The following GPM6A variants were observed in gnomAD, a reference collection of about 807,000 sequenced individuals.
GPM6A encodes the protein neuronal membrane glycoprotein M6-a.
GPM6A carries 7 observed loss-of-function variants against 32.1 expected under a neutral mutation model. That is an observed-to-expected ratio of 0.22 (90% CI 0.12 to 0.41). The LOEUF is 0.41. Among genes scored for constraint, GPM6A ranks in the 10% least tolerant of loss-of-function variants. The pLI is 1.00. For synonymous variants in GPM6A, 130 were observed against 123.4 expected (o/e 1.05, Z -0.35); for missense variants, 235 against 347.2 (o/e 0.68, Z 2.57).
chr4:175,751,543 T>A (rs1732337063), intron 1 of GPM6A, among the ~76,000 whole-genome samples: 1 of 152,164 alleles, frequency 6.6e-6, no homozygotes, highest in South Asian at 2.1e-4. Flanking sequence ...AATGATGCTA[T>A]CTATAATAAG....
chr4:175,751,550 TAAG>T (rs1560913204), intron 1 of GPM6A, among the ~76,000 whole-genome samples: 1 of 152,182 alleles, frequency 6.6e-6, no homozygotes, highest in Non-Finnish European at 1.5e-5. Flanking sequence ...CTATCTATAA[TAAG>T]AACACCTGTA....
intron 4 of GPM6A, among the ~76,000 whole-genome samples, chr4:175,642,413 T>C (rs575224874): frequency 1.3e-5 from 2 of 152,314 alleles, no homozygotes; most frequent in African/African-American, 4.8e-5. Context: ...AACCTCACTG[T>C]AATTCCTTTC....
intron 1 of GPM6A, among the ~76,000 whole-genome samples, chr4:175,799,027 T>C (rs1159554979): frequency 3.9e-5 from 6 of 152,240 alleles, no homozygotes; most frequent in Non-Finnish European, 5.9e-5. Flanking sequence ...AGTGGCTTGA[T>C]ACGTAGTGCT....
At chr4:175,808,246 A>G (rs1027787900) in intron 1 of GPM6A, among the ~76,000 whole-genome samples, 1 of 152,156 alleles carries the variant, frequency 6.6e-6, no homozygotes, top group Non-Finnish European at 1.5e-5. Flanking sequence ...TGTATATTAA[A>G]TATACTTTAT....
chr4:175,942,158 G>C (rs988980732), intron 1 of GPM6A, among the ~76,000 whole-genome samples: 8 of 151,686 alleles, frequency 5.3e-5, no homozygotes, highest in African/African-American at 2.0e-4. Context: ...AAATATGTTT[G>C]TTGGCCACAT....
At chr4:175,869,220 T>A (rs1736829580) in intron 1 of GPM6A, among the ~76,000 whole-genome samples, 1 of 152,216 alleles carries the variant, frequency 6.6e-6, no homozygotes, top group Non-Finnish European at 1.5e-5. Flanking sequence ...TCTTACCTTT[T>A]ATCTATGCAT....
At chr4:175,762,408 C>A (rs1732784679) in intron 1 of GPM6A, among the ~76,000 whole-genome samples, 1 of 152,136 alleles carries the variant, frequency 6.6e-6, no homozygotes, top group Non-Finnish European at 1.5e-5. Flanking sequence ...AACATTTAGA[C>A]TAGCACTAAC....
At position 175,700,214 on chromosome 4, in the gene GPM6A, T is replaced by TA. The variant is rs111252568; in HGVS notation, c.230+1360dup. Among the ~76,000 whole-genome samples, 250 of 151,436 alleles carry TA rather than the reference T, an allele frequency of 1.7e-3. 1 individual carries two copies. The highest frequency in any genetic ancestry group is 3.4e-3 in the Middle Eastern group (1 of 294). ...AGGGGAAATTAGTAACTTTAATAAA[T>TA]AAAAAAAAATTATGATATTTATAAA... On this transcript the variant is annotated intron_variant, in intron 2 of 6. Coordinates refer to ENST00000393658, the MANE Select transcript of GPM6A (RefSeq NM_201591.3).
intron 1 of GPM6A, among the ~76,000 whole-genome samples, chr4:175,779,490 A>G (rs1733530334): frequency 6.6e-6 from 1 of 152,116 alleles, no homozygotes; most frequent in African/African-American, 2.4e-5. Context: ...CAGTTCAGTA[A>G]GCGGGTTTCG....
intron 1 of GPM6A, among the ~76,000 whole-genome samples, chr4:175,926,437 C>T (rs1017523916): frequency 2.6e-5 from 4 of 152,024 alleles, no homozygotes; most frequent in African/African-American, 9.7e-5. Flanking sequence ...AAGAATCTTT[C>T]AATAGGGCTT....
chr4:175,874,498 G>A (rs1365855295), intron 1 of GPM6A, among the ~76,000 whole-genome samples: 1 of 152,138 alleles, frequency 6.6e-6, no homozygotes, highest in Non-Finnish European at 1.5e-5. Flanking sequence ...GTGTGGAGGG[G>A]AGGGAGGAGT....
At chr4:175,831,489 C>A (rs1013696046) in intron 1 of GPM6A, among the ~76,000 whole-genome samples, 2 of 152,110 alleles carry the variant, frequency 1.3e-5, no homozygotes, top group African/African-American at 4.8e-5. Flanking sequence ...AATTTCCTAG[C>A]ATGAAATTTA....
chr4:175,867,854 T>C (rs899908733), intron 1 of GPM6A, among the ~76,000 whole-genome samples: 6 of 152,190 alleles, frequency 3.9e-5, no homozygotes, highest in Non-Finnish European at 7.3e-5. Flanking sequence ...TAGGTTCTGA[T>C]CATATCCCAG....
intron 1 of GPM6A, among the ~76,000 whole-genome samples, chr4:175,711,104 G>T (rs1002741069): frequency 1.4e-4 from 22 of 152,028 alleles, no homozygotes; most frequent in African/African-American, 5.3e-4. Flanking sequence ...GTACATACAT[G>T]TGTACATATA....
intron 1 of GPM6A, among the ~76,000 whole-genome samples, chr4:175,769,792 T>C (rs184258721): frequency 7.9e-4 from 121 of 152,326 alleles, no homozygotes; most frequent in African/African-American, 2.8e-3. Flanking sequence ...TCTTAGCTTT[T>C]GTTCCATTGG....
At chr4:175,728,655 T>C (rs1731283050) in intron 1 of GPM6A, among the ~76,000 whole-genome samples, 1 of 152,212 alleles carries the variant, frequency 6.6e-6, no homozygotes, top group Non-Finnish European at 1.5e-5. Flanking sequence ...TTCCCACCTA[T>C]CCCTTGACTC....
At chr4:175,692,104 T>C (rs1744331164) in intron 2 of GPM6A, among the ~76,000 whole-genome samples, 1 of 152,194 alleles carries the variant, frequency 6.6e-6, no homozygotes, top group South Asian at 2.1e-4. Context: ...GACTCTAAGA[T>C]AATACATTTT....
intron 1 of GPM6A, among the ~76,000 whole-genome samples, chr4:175,762,980 A>T (rs1488533922): frequency 1.3e-5 from 2 of 152,150 alleles, no homozygotes; most frequent in Non-Finnish European, 2.9e-5. Flanking sequence ...AAAATGTTCT[A>T]AAATTAGATT....
chr4:175,883,515 A>G (rs1579595094), intron 1 of GPM6A, among the ~76,000 whole-genome samples: 1 of 152,262 alleles, frequency 6.6e-6, no homozygotes, highest in South Asian at 2.1e-4. Flanking sequence ...TGGATGCTAA[A>G]TTTTCATCAG....
Sources: allele counts gnomAD v4.1 joint callset (sites outside exome capture counted in the v4.1 genomes callset), GRCh38; gene constraint gnomAD v4.1.1; transcripts MANE v1.5; gene names NCBI Gene and HGNC (gene_info 2026-07-23, HGNC 2026-07-21).